The following CACNA1E variants were observed in gnomAD, a reference collection of about 807,000 sequenced individuals.
The protein encoded by CACNA1E is calcium voltage-gated channel subunit alpha1 E.
A neutral mutation model predicts 259.2 loss-of-function variants in CACNA1E; 40 were observed. The ratio of observed to expected loss-of-function variants is 0.15; its 90% CI spans 0.12 to 0.20. CACNA1E has a LOEUF of 0.20. CACNA1E is among the 10% of genes least tolerant of loss of function. The pLI is 1.00. For missense variants in CACNA1E, 1,874 were observed against 3,040.1 expected (o/e 0.62, Z 9.02); for synonymous variants, 1,104 against 1,138.5 (o/e 0.97, Z 0.61).
chr1:181,362,926 G>T (rs142210954), intron 1 of CACNA1E, among the ~76,000 whole-genome samples: 6 of 152,316 alleles, frequency 3.9e-5, no homozygotes, highest in African/African-American at 1.4e-4. Context: ...TTAGGATCTC[G>T]TTATAAGTTT....
intron 7 of CACNA1E, among the ~76,000 whole-genome samples, chr1:181,677,768 GC>G (rs1244351273): frequency 6.6e-6 from 1 of 152,196 alleles, no homozygotes; most frequent in East Asian, 1.9e-4. Flanking sequence ...TTTGAACAGG[GC>G]TTTGAAAGGT....
At chr1:181,596,147 G>A (rs543571554) in intron 6 of CACNA1E, among the ~76,000 whole-genome samples, 2 of 152,242 alleles carry the variant, frequency 1.3e-5, no homozygotes, top group East Asian at 1.9e-4. Context: ...GAAACACAAC[G>A]TGGCTTATTT....
At chr1:181,414,945 G>A (rs1218320384) in intron 2 of CACNA1E, among the ~76,000 whole-genome samples, 1 of 152,210 alleles carries the variant, frequency 6.6e-6, no homozygotes, top group Non-Finnish European at 1.5e-5. Context: ...CTGGTGTTGG[G>A]GTTTGGAGAC....
rs186112952 is a variant in CACNA1E, at chr1:181,645,078, G to T, written c.952-6260G>T. ...CCACGTCCTTACTGGTGACAGCCGC[G>T]CAGGGAGGAAGGCAGGAGTAGGGTG... On this transcript the variant is annotated intron_variant, in intron 6 of 47. Transcript: ENST00000367573. Among the ~76,000 whole-genome samples, 285 of 152,318 alleles carry T rather than the reference G, an allele frequency of 1.9e-3. 1 individual carries two copies. Among genetic ancestry groups the T allele is most frequent in the African/African-American group, 6.5e-3 (272 of 41,580 alleles).
At chr1:181,481,862 G>A (rs1168316323), upstream of CACNA1E, among the ~76,000 whole-genome samples, 1 of 151,968 alleles carries the variant, frequency 6.6e-6, no homozygotes, top group African/African-American at 2.4e-5. Context: ...AATGGGTTGG[G>A]TTTGAGAAAG....
chr1:181,606,501 T>G (rs1057451655), intron 6 of CACNA1E, among the ~76,000 whole-genome samples: 2 of 152,240 alleles, frequency 1.3e-5, no homozygotes, highest in Non-Finnish European at 2.9e-5. Flanking sequence ...GGCCACCATC[T>G]TCTTTGCCCC....
intron 7 of CACNA1E, among the ~76,000 whole-genome samples, chr1:181,657,120 A>G (rs1363206402): frequency 6.6e-6 from 1 of 152,200 alleles, no homozygotes; most frequent in Non-Finnish European, 1.5e-5. Context: ...AATTCCATGA[A>G]ATATGAAATT....
chr1:181,469,494 C>T lies in CACNA1E; in HGVS notation c.435-14250C>T, dbSNP rs550195137. On this transcript the variant is annotated intron_variant, in intron 2 of 11. Coordinates refer to the CACNA1E transcript ENST00000524607. Reference sequence around the variant, plus strand: ...CTGATTCATGGTGCTGTCAGGTCATCCAGGTGGAGGTGCCCATTTGAGCCA... The same window carrying T: ...CTGATTCATGGTGCTGTCAGGTCATTCAGGTGGAGGTGCCCATTTGAGCCA... Among the ~76,000 whole-genome samples, 6 of 152,168 alleles carry T rather than the reference C, an allele frequency of 3.9e-5. No individual in the cohort carries two copies. The South Asian group carries it at 1.2e-3, about 32-fold the overall frequency.
At chr1:181,368,029 G>A (rs1471606461) in intron 1 of CACNA1E, among the ~76,000 whole-genome samples, 1 of 152,080 alleles carries the variant, frequency 6.6e-6, no homozygotes, top group African/African-American at 2.4e-5. Flanking sequence ...CCAGGAGTTC[G>A]AGACCAGCCT....
intron 1 of CACNA1E, among the ~76,000 whole-genome samples, chr1:181,360,469 A>G (rs79205073): frequency 2.5e-4 from 38 of 152,306 alleles, no homozygotes; most frequent in Non-Finnish European, 4.6e-4. Context: ...TGAAAACATT[A>G]TATTAGGTGA....
intron 6 of CACNA1E, among the ~76,000 whole-genome samples, chr1:181,625,703 G>C (rs1656136232): frequency 6.6e-6 from 1 of 152,188 alleles, no homozygotes; most frequent in Non-Finnish European, 1.5e-5. Flanking sequence ...CTCTGTATCA[G>C]CAAAAGGTTA....
Position 181,774,677 on chromosome 1 carries a change from C to CTGTT in CACNA1E, c.5140-1423_5140-1420dup, listed in dbSNP as rs1219587191. ...GAAAAGAAGGAAGAGAAGAGTCTGG[C>CTGTT]TGTTAGGTATGACCAGCAGTCTCTG... On this transcript the variant is annotated intron_variant, in intron 37 of 47. Transcript: ENST00000367573. 1.2e-4 allele frequency among the ~76,000 whole-genome samples: 19 copies of CTGTT among 152,320 alleles called. No individual in the cohort carries two copies. In the East Asian group the frequency reaches 3.3e-3, roughly 26 times the overall value.
At chr1:181,502,661 G>T (rs544217995) in intron 1 of CACNA1E, among the ~76,000 whole-genome samples, 1 of 152,232 alleles carries the variant, frequency 6.6e-6, no homozygotes, top group South Asian at 2.1e-4. Context: ...AAGGGAGCTG[G>T]ACTGGCCAGG....
intron 3 of CACNA1E, among the ~76,000 whole-genome samples, chr1:181,573,765 C>A (rs1463228000): frequency 6.6e-6 from 1 of 152,226 alleles, no homozygotes; most frequent in Non-Finnish European, 1.5e-5. Context: ...ACCCAGCAAT[C>A]CCATTACTGG....
chr1:181,597,154 C>T (rs936423778), intron 6 of CACNA1E, among the ~76,000 whole-genome samples: 6 of 152,150 alleles, frequency 3.9e-5, no homozygotes, highest in Non-Finnish European at 8.8e-5. Context: ...TGCATGTTCT[C>T]GACTGCTGTG....
At chr1:181,370,231 C>G (rs571625524) in intron 1 of CACNA1E, among the ~76,000 whole-genome samples, 1 of 151,628 alleles carries the variant, frequency 6.6e-6, no homozygotes, top group Non-Finnish European at 1.5e-5. Context: ...ATCTCATGTT[C>G]CAGGATACTC....
At chr1:181,714,053 T>G (rs183494621) in intron 8 of CACNA1E, among the ~76,000 whole-genome samples, 7 of 152,326 alleles carry the variant, frequency 4.6e-5, no homozygotes, top group Middle Eastern at 3.4e-3. Flanking sequence ...AGTTAAATTC[T>G]AACACGAAAT....
intron 3 of CACNA1E, among the ~76,000 whole-genome samples, chr1:181,532,831 G>A (rs770226852): frequency 6.6e-6 from 1 of 152,178 alleles, no homozygotes; most frequent in Admixed American, 6.5e-5. Context: ...CTGCTACTAC[G>A]CTAATTTTAT....
chr1:181,736,212 A>G, intron 21 of CACNA1E, 63 bp from the exon 22 acceptor site: 1 of 1,523,550 alleles, frequency 6.6e-7, no homozygotes, highest in South Asian at 1.3e-5. Context: ...CCAACTAAAC[A>G]CAAATGGTGC....
Sources: gnomAD v4.1 joint callset for allele counts (sites outside exome capture counted in the v4.1 genomes callset) on GRCh38, gnomAD v4.1.1 for gene constraint, MANE v1.5 for transcripts, NCBI Gene and HGNC (gene_info 2026-07-23, HGNC 2026-07-21) for gene names.